NAALADL2: variants seen among roughly 807,000 people sequenced by gnomAD.
NAALADL2 encodes inactive N-acetylated-alpha-linked acidic dipeptidase-like protein 2.
In NAALADL2, 76 loss-of-function variants were observed where a neutral mutation model predicts 87.2. That is an observed-to-expected ratio of 0.87 (90% CI 0.72 to 1.05). The LOEUF is 1.05. NAALADL2 is among the 50% of genes least tolerant of loss of function. The probability of loss-of-function intolerance (pLI) is 0.00; values close to 1 mark genes in which losing one functional copy is unlikely to be tolerated. For missense variants in NAALADL2, 1,089 were observed against 945.8 expected (o/e 1.15, Z -1.99); for synonymous variants, 354 against 331.0 (o/e 1.07, Z -0.75).
intron 1 of NAALADL2, among the ~76,000 whole-genome samples, chr3:174,493,490 C>T (rs541633576): frequency 1.3e-5 from 2 of 152,122 alleles, no homozygotes; most frequent in Admixed American, 1.3e-4. Flanking sequence ...GAAGGAACCA[C>T]GCTGATAATA....
chr3:175,349,161 T>A (rs1220203255), intron 5 of NAALADL2, among the ~76,000 whole-genome samples: 2 of 141,742 alleles, frequency 1.4e-5, no homozygotes, highest in African/African-American at 5.3e-5. Flanking sequence ...AGAGAGAGAA[T>A]CCTAATCACA....
At chr3:174,725,736 A>C (rs1286597728) in intron 2 of NAALADL2, among the ~76,000 whole-genome samples, 2 of 152,196 alleles carry the variant, frequency 1.3e-5, no homozygotes, top group Non-Finnish European at 2.9e-5. Context: ...ATGACAACAT[A>C]CATGGTGCCA....
intron 2 of NAALADL2, among the ~76,000 whole-genome samples, chr3:174,692,564 T>C (rs1474016858): frequency 6.6e-6 from 1 of 152,190 alleles, no homozygotes; most frequent in Non-Finnish European, 1.5e-5. Flanking sequence ...GCTGCTGTTC[T>C]GGAAGCTGTA....
rs116073916 is a variant in NAALADL2, at chr3:174,753,955, C to T, written c.-9+16209C>T. Among the ~76,000 whole-genome samples, 273 of 152,226 alleles carry T rather than the reference C, an allele frequency of 1.8e-3. 2 individuals carry two copies. The highest frequency in any genetic ancestry group is 6.4e-3 in the African/African-American group (266 of 41,532). On this transcript the variant is annotated intron_variant, in intron 3 of 3. Coordinates refer to the NAALADL2 transcript ENST00000434257. ...ATGAGAGGCCAAAATAAGGAAGTGGCAGTCTATAAACTAGGAAGAAAGCCC... is the reference window on the plus strand; with the variant it reads ...ATGAGAGGCCAAAATAAGGAAGTGGTAGTCTATAAACTAGGAAGAAAGCCC...
chr3:175,263,537 C>T (rs1011138412), intron 4 of NAALADL2, among the ~76,000 whole-genome samples: 3 of 151,784 alleles, frequency 2.0e-5, no homozygotes, highest in Admixed American at 1.3e-4. Flanking sequence ...TTGAAAATTA[C>T]GACATCATAG....
At chr3:175,055,711 A>AT in intron 1 of NAALADL2, among the ~76,000 whole-genome samples, 1 of 152,134 alleles carries the variant, frequency 6.6e-6, no homozygotes, top group South Asian at 2.1e-4. Flanking sequence ...GCGGTTTTCT[A>AT]TTTTCCCCTA....
At chr3:174,749,595 G>A (rs1474748114) in intron 3 of NAALADL2, among the ~76,000 whole-genome samples, 8 of 151,732 alleles carry the variant, frequency 5.3e-5, no homozygotes, top group African/African-American at 1.9e-4. Context: ...CTCCATACTT[G>A]GGCTGTCATA....
intron 3 of NAALADL2, among the ~76,000 whole-genome samples, chr3:174,829,101 TTG>T (rs1722323410): frequency 2.9e-5 from 3 of 104,206 alleles, no homozygotes; most frequent in African/African-American, 9.2e-5. Context: ...TTTTTTTTTG[TTG>T]TTGTTGTTGT....
chr3:175,607,903 ACACACACACG>A (rs1319085999), intron 10 of NAALADL2, among the ~76,000 whole-genome samples: 5 of 58,132 alleles, frequency 8.6e-5, no homozygotes, highest in East Asian at 4.4e-4. Flanking sequence ...CATGGAACAC[ACACACACACG>A]CACACACACG....
intron 11 of NAALADL2, among the ~76,000 whole-genome samples, chr3:175,670,508 A>T (rs1733827084): frequency 2.3e-5 from 2 of 86,016 alleles, no homozygotes; most frequent in Admixed American, 1.2e-4. Context: ...ATATATTTAT[A>T]TTAAATTTAT....
chr3:175,214,409 C>T lies in NAALADL2; in HGVS notation c.546-19522C>T, dbSNP rs146799720. Among the ~76,000 whole-genome samples, 707 of 152,154 alleles carry T rather than the reference C, an allele frequency of 4.6e-3. 2 individuals are homozygous for T. Among genetic ancestry groups the T allele is most frequent in the Non-Finnish European group, 7.9e-3 (534 of 67,990 alleles). On this transcript the variant is annotated intron_variant, in intron 2 of 13. Coordinates refer to ENST00000454872, the MANE Select transcript of NAALADL2 (RefSeq NM_207015.3). ...CACTCCTTCAGTAAAGGATGGATTC[C>T]GTCATGACAGTTATTTATCTTGAAA...
intron 10 of NAALADL2, among the ~76,000 whole-genome samples, chr3:175,578,852 C>T (rs1027528229): frequency 5.3e-5 from 8 of 152,186 alleles, no homozygotes; most frequent in South Asian, 2.1e-4. Flanking sequence ...ACTAAATGGG[C>T]ACTGCTCACT....
intron 2 of NAALADL2, among the ~76,000 whole-genome samples, chr3:175,109,040 A>G (rs919117145): frequency 3.3e-5 from 5 of 151,844 alleles, no homozygotes; most frequent in African/African-American, 4.8e-5. Context: ...TCTTATTTTA[A>G]GTAGAGAACA....
At chr3:175,353,159 A>G (rs1183174605) in intron 5 of NAALADL2, among the ~76,000 whole-genome samples, 1 of 150,106 alleles carries the variant, frequency 6.7e-6, no homozygotes, top group East Asian at 2.0e-4. Flanking sequence ...TATTGTTATT[A>G]ATTTGCACAG....
At chr3:175,709,459 T>C (rs926738921) in intron 11 of NAALADL2, among the ~76,000 whole-genome samples, 16 of 152,132 alleles carry the variant, frequency 1.1e-4, no homozygotes, top group Non-Finnish European at 1.8e-4. Flanking sequence ...GTTTAAAAAG[T>C]ATACTTTGTT....
Position 174,765,149 on chromosome 3 carries a change from A to AT in NAALADL2, c.-9+27403_-9+27404insT, listed in dbSNP as rs1334730569. 9.4e-4 allele frequency among the ~76,000 whole-genome samples: 141 copies of AT among 150,236 alleles called. 1 individual carries two copies. The highest frequency in any genetic ancestry group is 2.5e-3 in the African/African-American group (103 of 40,824). On this transcript the variant is annotated intron_variant, in intron 3 of 3. Coordinates refer to the NAALADL2 transcript ENST00000434257. ...ACACACACACACACACACACGAGAG[A>AT]GAGAGAGAGAGAGAGAGAGAGACAG... is the stretch of plus-strand genomic sequence containing the variant.
At chr3:175,159,920 T>TC (rs1179451246) in intron 2 of NAALADL2, among the ~76,000 whole-genome samples, 1 of 151,216 alleles carries the variant, frequency 6.6e-6, no homozygotes, top group Admixed American at 6.6e-5. Context: ...CACTGCAGCC[T>TC]CTGCCTCCCA....
chr3:174,862,901 A>G (rs1409982539), intron 1 of NAALADL2, among the ~76,000 whole-genome samples: 1 of 152,028 alleles, frequency 6.6e-6, no homozygotes, highest in Non-Finnish European at 1.5e-5. Context: ...CCCTACTCTG[A>G]AGGCTACAAA....
intron 1 of NAALADL2, among the ~76,000 whole-genome samples, chr3:175,076,331 T>G (rs1048336566): frequency 2.6e-5 from 4 of 151,876 alleles, no homozygotes; most frequent in Non-Finnish European, 5.9e-5. Flanking sequence ...GCTTTTTTTT[T>G]TTTTTTTTTA....
Sources: gnomAD v4.1 joint callset for allele counts (sites outside exome capture counted in the v4.1 genomes callset) on GRCh38, gnomAD v4.1.1 for gene constraint, MANE v1.5 for transcripts, NCBI Gene and HGNC (gene_info 2026-07-23, HGNC 2026-07-21) for gene names.